The following FSTL4 variants were observed in gnomAD, a reference collection of about 807,000 sequenced individuals.
FSTL4 encodes follistatin like 4.
FSTL4 carries 28 observed loss-of-function variants against 78.2 expected under a neutral mutation model. The observed-to-expected ratio is 0.36, with a 90% confidence interval of 0.27 to 0.49. The LOEUF (loss-of-function observed/expected upper bound fraction) is 0.49, where lower values mean the gene tolerates loss of function less well. Among genes scored for constraint, FSTL4 ranks in the 20% least tolerant of loss-of-function variants. FSTL4 has a pLI of 0.98. For synonymous variants in FSTL4, 422 were observed against 440.5 expected, an observed-to-expected ratio of 0.96 and a Z score of 0.53; for missense variants, 922 against 1,084.9, an observed-to-expected ratio of 0.85 and a Z score of 2.11.
At chr5:133,659,096 T>G in the FSTL4 span, among the ~76,000 whole-genome samples, 7 of 152,170 alleles carry the variant, frequency 4.6e-5, no homozygotes, top group African/African-American at 1.4e-4. Context: ...GAAAGTATTT[T>G]GCTTATTGGG....
At chr5:133,786,425 A>AT in the FSTL4 span, among the ~76,000 whole-genome samples, 1 of 152,200 alleles carries the variant, frequency 6.6e-6, no homozygotes, top group African/African-American at 2.4e-5. Flanking sequence ...CTCCTAAAAT[A>AT]TTTTGTAAAA....
the FSTL4 span, among the ~76,000 whole-genome samples, chr5:133,739,780 T>C: frequency 0.096 from 14,629 of 152,122 alleles, 974 homozygotes; most frequent in Admixed American, 0.22. Context: ...GTGGAGAAGG[T>C]ACAAATTTGC....
At chr5:133,803,435 A>G in the FSTL4 span, among the ~76,000 whole-genome samples, 5 of 152,160 alleles carry the variant, frequency 3.3e-5, no homozygotes, top group African/African-American at 9.7e-5. Flanking sequence ...ACCCCCAGGG[A>G]TATACCTCCC....
chr5:133,221,358 C>T (rs1445868634), intron 11 of FSTL4, among the ~76,000 whole-genome samples: 2 of 152,116 alleles, frequency 1.3e-5, no homozygotes, highest in South Asian at 4.2e-4. Context: ...CCTGGCTGTG[C>T]TGGCCAACCC....
chr5:133,717,948 A>G, the FSTL4 span, among the ~76,000 whole-genome samples: 7 of 152,322 alleles, frequency 4.6e-5, no homozygotes, highest in South Asian at 1.5e-3. Flanking sequence ...AGTGAAATTG[A>G]TGTGTATTTT....
chr5:133,805,280 T>C, the FSTL4 span, among the ~76,000 whole-genome samples: 3 of 152,116 alleles, frequency 2.0e-5, no homozygotes, highest in African/African-American at 7.2e-5. Context: ...ACCCTAGGCA[T>C]AACCCCATGC....
the FSTL4 span, among the ~76,000 whole-genome samples, chr5:133,839,780 A>G: frequency 6.6e-6 from 1 of 152,214 alleles, no homozygotes; most frequent in Non-Finnish European, 1.5e-5. Flanking sequence ...TGGGCCATGT[A>G]CCATTTTCCA....
intron 3 of FSTL4, among the ~76,000 whole-genome samples, chr5:133,493,052 A>T (rs926457268): frequency 3.3e-5 from 5 of 151,862 alleles, no homozygotes; most frequent in African/African-American, 1.2e-4. Context: ...ACTTTTCCAA[A>T]TTTGCTTGTT....
chr5:133,622,367 C>T, the FSTL4 span, among the ~76,000 whole-genome samples: 1 of 152,122 alleles, frequency 6.6e-6, no homozygotes, highest in African/African-American at 2.4e-5. Flanking sequence ...ATTGTGTGAA[C>T]ATAAATTTTC....
chr5:133,480,640 G>A (rs1038485215), intron 3 of FSTL4, among the ~76,000 whole-genome samples: 16 of 151,892 alleles, frequency 1.1e-4, no homozygotes, highest in African/African-American at 3.6e-4. Flanking sequence ...GTATGGACGC[G>A]GTGGGAGCCA....
the FSTL4 span, among the ~76,000 whole-genome samples, chr5:133,724,045 C>T: frequency 3.4e-4 from 52 of 152,210 alleles, no homozygotes; most frequent in Admixed American, 5.9e-4. Context: ...GCTACTTGCC[C>T]TAGAGCAGGA....
Position 133,224,171 on chromosome 5 carries a change from A to C in FSTL4, c.1339+19T>G. ...CACACGTGATCACAGGCATGACGCAAAACAATGAAGCTTGGTACCTTCCTC... is the reference window on the plus strand; with the variant it reads ...CACACGTGATCACAGGCATGACGCACAACAATGAAGCTTGGTACCTTCCTC... On this transcript the variant is annotated intron_variant, in intron 11 of 15. Coordinates refer to ENST00000265342, the MANE Select transcript of FSTL4 (RefSeq NM_015082.2). 6.2e-7 allele frequency: 1 copy of C among 1,608,722 alleles called. No homozygotes were observed. Among genetic ancestry groups the C allele is most frequent in the Non-Finnish European group, 8.5e-7 (1 of 1,175,430 alleles).
the FSTL4 span, among the ~76,000 whole-genome samples, chr5:133,784,921 G>A: frequency 2.0e-5 from 3 of 152,190 alleles, no homozygotes; most frequent in Non-Finnish European, 4.4e-5. Flanking sequence ...CTTAACATCA[G>A]TAGGTTCAGC....
At chr5:133,403,634 T>G (rs17685465) in intron 3 of FSTL4, among the ~76,000 whole-genome samples, 35,398 of 152,010 alleles carry the variant, frequency 0.23, 4,195 homozygotes, top group Non-Finnish European at 0.26. Context: ...TAGGGGTACA[T>G]TTTCCCTTGC....
At chr5:133,551,527 A>C (rs1023830518) in intron 3 of FSTL4, among the ~76,000 whole-genome samples, 4 of 152,212 alleles carry the variant, frequency 2.6e-5, no homozygotes, top group African/African-American at 9.6e-5. Context: ...GCTCTAGAAC[A>C]CTTCGGAGCC....
the FSTL4 span, among the ~76,000 whole-genome samples, chr5:133,835,503 C>T: frequency 1.3e-5 from 2 of 152,214 alleles, no homozygotes; most frequent in Admixed American, 1.3e-4. Context: ...AAGCAGGGCA[C>T]TTACTATGTA....
intron 3 of FSTL4, among the ~76,000 whole-genome samples, chr5:133,420,778 G>A (rs1040354867): frequency 6.6e-6 from 1 of 152,252 alleles, no homozygotes; most frequent in Non-Finnish European, 1.5e-5. Flanking sequence ...CGGGTGCATG[G>A]CTGTAGAGTA....
chr5:133,663,787 G>A, the FSTL4 span, among the ~76,000 whole-genome samples: 1 of 152,254 alleles, frequency 6.6e-6, no homozygotes, highest in Non-Finnish European at 1.5e-5. Context: ...TGGCAGCCAG[G>A]GGAAATGTAA....
At chr5:133,835,599 A>G in the FSTL4 span, among the ~76,000 whole-genome samples, 1 of 152,208 alleles carries the variant, frequency 6.6e-6, no homozygotes, top group Non-Finnish European at 1.5e-5. Flanking sequence ...TATATATACT[A>G]CAGAAATCTC....
Sources: gnomAD v4.1 joint callset for allele counts (sites outside exome capture counted in the v4.1 genomes callset) on GRCh38, gnomAD v4.1.1 for gene constraint, MANE v1.5 for transcripts, NCBI Gene and HGNC (gene_info 2026-07-23, HGNC 2026-07-21) for gene names.